Variants in MRPL1 observed in about 807,000 individuals in gnomAD.
MRPL1 encodes the protein large ribosomal subunit protein uL1m.
MRPL1 carries 28 observed loss-of-function variants against 38.0 expected under a neutral mutation model. The ratio of observed to expected loss-of-function variants is 0.74; its 90% CI spans 0.55 to 1.01. The LOEUF (loss-of-function observed/expected upper bound fraction) is 1.01, where lower values mean the gene tolerates loss of function less well. Among genes scored for constraint, MRPL1 ranks in the 50% least tolerant of loss-of-function variants. The pLI is 0.00. For missense variants in MRPL1, 358 were observed against 389.8 expected (o/e 0.92, Z 0.69); for synonymous variants, 123 against 126.7 (o/e 0.97, Z 0.20).
At chr4:77,863,161 A>G in intron 1 of MRPL1, 1 of 515,026 alleles carries the variant, frequency 1.9e-6, no homozygotes. Flanking sequence ...CGTCTCTGAT[A>G]CTGGGGTGTG....
rs760991034 is a variant in MRPL1 at position 77,883,523 on chromosome 4, A to C, written c.402+23A>C. On this transcript the variant is annotated intron_variant, in intron 3 of 8. Transcript: ENST00000315567. ...AAGGTATGTAGAGTCCATTAAAATA[A>C]GTTTACCTGTGAACAGTGGCTGTAT... 2.6e-6 allele frequency: 4 copies of C among 1,564,310 alleles called. No individual in the cohort carries two copies. In the South Asian group the frequency reaches 4.9e-5, roughly 19 times the overall value.
intron 5 of MRPL1, 72 bp from the exon 6 acceptor site, chr4:77,894,067 T>C: frequency 1.2e-6 from 1 of 829,560 alleles, no homozygotes; most frequent in Non-Finnish European, 2.0e-6. Flanking sequence ...AGGAAATGAC[T>C]ACATTGTACT....
At chr4:77,906,347 C>T (rs555570446) in intron 6 of MRPL1, among the ~76,000 whole-genome samples, 1 of 150,794 alleles carries the variant, frequency 6.6e-6, no homozygotes, top group East Asian at 1.9e-4. Context: ...AATAGAAGGA[C>T]ACGAAATAGA....
intron 7 of MRPL1, among the ~76,000 whole-genome samples, chr4:77,911,875 TA>T (rs1333503643): frequency 2.6e-5 from 4 of 152,054 alleles, no homozygotes; most frequent in Non-Finnish European, 5.9e-5. Context: ...CAGCAATATA[TA>T]AAAAGGGTAA....
chr4:77,919,847 A>G (rs1578054603), intron 7 of MRPL1, among the ~76,000 whole-genome samples: 2 of 144,762 alleles, frequency 1.4e-5, no homozygotes, highest in African/African-American at 5.4e-5. Context: ...ATATATATAT[A>G]TATGTGTGTG....
Position 77,883,367 on chromosome 4 carries a change from G to A in MRPL1, c.269G>A (p.Arg90His), listed in dbSNP as rs770056668. 1.1e-5 allele frequency: 17 copies of A among 1,613,812 alleles called. No individual in the cohort carries two copies. In the East Asian group the frequency reaches 2.5e-4, roughly 23 times the overall value. Residue 90 changes from arginine to histidine, a missense_variant, in exon 3 of 9, where the codon CGC becomes CAC. Arg to His is a conservative substitution (Grantham distance 29, BLOSUM62 0). Transcript: ENST00000315567. The stretch of plus-strand genomic sequence containing the variant: ...CCTGAGGATGATGTCTATTTAAAAC[G>A]CTTATACCCGAGACAGATATATGAG... Reference protein sequence around the residue: ...GEPEDDVYLKRLYPRQIYEVE... With the variant: ...GEPEDDVYLKHLYPRQIYEVE...
At chr4:77,910,190 A>G (rs188534916) in intron 7 of MRPL1, among the ~76,000 whole-genome samples, 1 of 152,184 alleles carries the variant, frequency 6.6e-6, no homozygotes, top group Non-Finnish European at 1.5e-5. Flanking sequence ...GAAGTTAAGT[A>G]ACTTTTCCAA....
chr4:77,914,288 A>C (rs948526196), intron 7 of MRPL1, among the ~76,000 whole-genome samples: 5 of 152,046 alleles, frequency 3.3e-5, no homozygotes, highest in Admixed American at 2.0e-4. Flanking sequence ...CAAAAAGTAG[A>C]TTAGTAGTTG....
chr4:77,879,436 T>G (rs1268171148), intron 2 of MRPL1, among the ~76,000 whole-genome samples: 1 of 152,218 alleles, frequency 6.6e-6, no homozygotes, highest in African/African-American at 2.4e-5. Flanking sequence ...TAAATTGCAA[T>G]ATACCCAACT....
At chr4:77,906,020 G>A (rs890551666) in intron 6 of MRPL1, among the ~76,000 whole-genome samples, 5 of 152,160 alleles carry the variant, frequency 3.3e-5, no homozygotes, top group African/African-American at 9.7e-5. Context: ...AGTTATCAGT[G>A]GATAGATGGT....
chr4:77,865,217 C>T (rs543358843), intron 1 of MRPL1, among the ~76,000 whole-genome samples: 3 of 152,234 alleles, frequency 2.0e-5, no homozygotes, highest in African/African-American at 7.2e-5. Flanking sequence ...TAATGGTTAT[C>T]AAATTTATAT....
At chr4:77,912,472 T>C (rs990041623) in intron 7 of MRPL1, among the ~76,000 whole-genome samples, 1 of 152,154 alleles carries the variant, frequency 6.6e-6, no homozygotes, top group African/African-American at 2.4e-5. Flanking sequence ...ATAGCAAATA[T>C]ATTAAATACT....
intron 7 of MRPL1, among the ~76,000 whole-genome samples, chr4:77,940,668 G>T (rs1275012515): frequency 6.6e-6 from 1 of 152,042 alleles, no homozygotes; most frequent in Non-Finnish European, 1.5e-5. Flanking sequence ...TCAGTATTTT[G>T]TTGGCTGTGG....
At chr4:77,892,161 C>T (rs746021348) in intron 5 of MRPL1, among the ~76,000 whole-genome samples, 11 of 147,812 alleles carry the variant, frequency 7.4e-5, no homozygotes, top group African/African-American at 2.2e-4. Flanking sequence ...GATGGAGTTT[C>T]GCTCTTGTTG....
intron 1 of MRPL1, among the ~76,000 whole-genome samples, chr4:77,870,648 A>C (rs549417687): frequency 6.6e-6 from 1 of 152,304 alleles, no homozygotes; most frequent in Non-Finnish European, 1.5e-5. Flanking sequence ...ATTGGTACCT[A>C]TATGTTTATA....
intron 5 of MRPL1, among the ~76,000 whole-genome samples, chr4:77,888,540 T>C (rs1578043561): frequency 6.6e-6 from 1 of 151,700 alleles, no homozygotes; most frequent in Non-Finnish European, 1.5e-5. Flanking sequence ...AACAAACAAA[T>C]AAATAAGAAA....
chr4:77,903,873 C>T (rs905933098), intron 6 of MRPL1, among the ~76,000 whole-genome samples: 3 of 151,674 alleles, frequency 2.0e-5, no homozygotes, highest in African/African-American at 7.3e-5. Context: ...ACCAAACTCC[C>T]AGAAAGCTTT....
intron 7 of MRPL1, among the ~76,000 whole-genome samples, chr4:77,937,191 C>G (rs973154070): frequency 6.6e-6 from 1 of 152,010 alleles, no homozygotes. Context: ...CATTCTCTTT[C>G]AACTGTGCCC....
intron 6 of MRPL1, among the ~76,000 whole-genome samples, chr4:77,905,122 T>C (rs537563518): frequency 6.6e-6 from 1 of 152,288 alleles, no homozygotes; most frequent in South Asian, 2.1e-4. Flanking sequence ...ATCCATAATA[T>C]ATAAAGAACT....
Sources: gnomAD v4.1 joint callset for allele counts (sites outside exome capture counted in the v4.1 genomes callset) on GRCh38, gnomAD v4.1.1 for gene constraint, MANE v1.5 for transcripts, NCBI Gene and HGNC (gene_info 2026-07-23, HGNC 2026-07-21) for gene names.